Variants in JARID2 observed in about 807,000 individuals in gnomAD.
The protein encoded by JARID2 is jumonji and AT-rich interaction domain containing 2.
A neutral mutation model predicts 125.6 loss-of-function variants in JARID2; 21 were observed. That is an observed-to-expected ratio of 0.17 (90% CI 0.12 to 0.24). JARID2 has a LOEUF of 0.24. Among genes scored for constraint, JARID2 ranks in the 10% least tolerant of loss-of-function variants. The pLI is 1.00. For synonymous variants in JARID2, 736 were observed against 661.6 expected (o/e 1.11, Z -1.73); for missense variants, 1,303 against 1,639.6 (o/e 0.79, Z 3.55).
At chr6:15,474,917 G>A (rs1272185137) in intron 5 of JARID2, among the ~76,000 whole-genome samples, 1 of 152,072 alleles carries the variant, frequency 6.6e-6, no homozygotes, top group African/African-American at 2.4e-5. Context: ...GTGTACTGTT[G>A]CATCCTCCAA....
intron 3 of JARID2, among the ~76,000 whole-genome samples, chr6:15,425,819 G>T (rs1312322361): frequency 1.3e-5 from 2 of 152,196 alleles, no homozygotes; most frequent in African/African-American, 4.8e-5. Context: ...TGAAGTTTGT[G>T]GAACACAAGC....
rs183242659 is a variant in JARID2, at chr6:15,520,937, C to T, written c.*686C>T. ...AAAGAAGAAAAGCGAGCGAGGAAGA[C>T]GGAAAAGACTGCCTGCCTTGGAGGG... is the stretch of plus-strand genomic sequence containing the variant. On this transcript the variant is annotated 3_prime_UTR_variant, in exon 18 of 18. Coordinates refer to ENST00000341776, the MANE Select transcript of JARID2 (RefSeq NM_004973.4). The T allele has an allele frequency of 7.7e-4, 325 of 421,292 alleles. 1 individual carries two copies. Among genetic ancestry groups the T allele is most frequent in the African/African-American group, 5.8e-3 (283 of 49,178 alleles). The allele number at this position is 421,292 out of a possible 1,614,324, so 26.1% of individuals were successfully genotyped here.
At chr6:15,344,565 A>C (rs940290601) in intron 1 of JARID2, among the ~76,000 whole-genome samples, 7 of 151,980 alleles carry the variant, frequency 4.6e-5, no homozygotes, top group Admixed American at 2.0e-4. Flanking sequence ...TAGGTTGTGC[A>C]AGCATCACAA....
At chr6:15,372,158 G>C (rs1261127218) in intron 1 of JARID2, among the ~76,000 whole-genome samples, 1 of 152,168 alleles carries the variant, frequency 6.6e-6, no homozygotes, top group Admixed American at 6.5e-5. Context: ...TGGAGGAGAC[G>C]TCAGATCATC....
chr6:15,451,252 C>T (rs1767908460), intron 3 of JARID2, among the ~76,000 whole-genome samples: 1 of 152,188 alleles, frequency 6.6e-6, no homozygotes, highest in African/African-American at 2.4e-5. Context: ...TTGAAATGTA[C>T]TCTGTAGTTA....
At chr6:15,283,074 G>T (rs1369497026) in intron 1 of JARID2, among the ~76,000 whole-genome samples, 1 of 151,156 alleles carries the variant, frequency 6.6e-6, no homozygotes, top group African/African-American at 2.4e-5. Context: ...TGCCTCCCGG[G>T]TTCTTGCCAT....
At chr6:15,333,718 AC>A (rs1762791821) in intron 1 of JARID2, among the ~76,000 whole-genome samples, 1 of 152,212 alleles carries the variant, frequency 6.6e-6, no homozygotes, top group Non-Finnish European at 1.5e-5. Context: ...CATTGTATGA[AC>A]ACTGCATCTT....
rs1379189328 is a variant in JARID2, at chr6:15,520,784, A to G, written c.*533A>G. 2 of 455,270 alleles carry G rather than the reference A, an allele frequency of 4.4e-6. No individual in the cohort carries two copies. Among genetic ancestry groups the G allele is most frequent in the Non-Finnish European group, 8.8e-6 (2 of 226,664 alleles). 28.2% of individuals were successfully genotyped at this position (455,270 alleles called of 1,614,324 possible). On this transcript the variant is annotated 3_prime_UTR_variant, in exon 18 of 18. Transcript: ENST00000341776. ...AGCTTGTGATCTGGGAAGCCGGGGC[A>G]CCCCCGTTTTGTTTCTCTGGGCGGT...
At chr6:15,284,239 AT>A (rs1308142816) in intron 1 of JARID2, among the ~76,000 whole-genome samples, 1 of 152,170 alleles carries the variant, frequency 6.6e-6, no homozygotes, top group Non-Finnish European at 1.5e-5. Context: ...TTGATATGGA[AT>A]TTACTTCTCT....
rs10700305 is a variant in JARID2, at chr6:15,468,169, CTTTT to C, written c.494-359_494-356del. On this transcript the variant is annotated intron_variant, in intron 4 of 17. Transcript: ENST00000341776. ...CTGTTTTTACTTCTGTCTTCTCTGT[CTTTT>C]TTTTTTTTTTTTTAAGTCTATTAAT... Among the ~76,000 whole-genome samples, 11 of 134,850 alleles carry C rather than the reference CTTTT, an allele frequency of 8.2e-5. No homozygotes were observed. The East Asian group carries it at 1.3e-3, about 16-fold the overall frequency. 88.5% of individuals were successfully genotyped at this position (134,850 alleles called of 152,430 possible). A position where few individuals can be genotyped will look rare whatever the true frequency, so the allele number is the denominator to read the frequency against.
intron 3 of JARID2, among the ~76,000 whole-genome samples, chr6:15,451,547 A>G (rs1275261898): frequency 6.6e-6 from 1 of 152,206 alleles, no homozygotes; most frequent in Non-Finnish European, 1.5e-5. Context: ...CCTGGATGTA[A>G]TGACACAGAA....
chr6:15,268,524 C>G (rs562636089), intron 1 of JARID2, among the ~76,000 whole-genome samples: 2 of 152,006 alleles, frequency 1.3e-5, no homozygotes, highest in Non-Finnish European at 2.9e-5. Flanking sequence ...TACTTATATC[C>G]GAAAGCCTGG....
chr6:15,427,369 C>T (rs898635287), intron 3 of JARID2, among the ~76,000 whole-genome samples: 2 of 152,138 alleles, frequency 1.3e-5, no homozygotes, highest in Admixed American at 6.5e-5. Context: ...TAGCTTCTTC[C>T]GCATTTGTTT....
At chr6:15,379,128 A>C (rs1015613199) in intron 2 of JARID2, among the ~76,000 whole-genome samples, 1 of 151,890 alleles carries the variant, frequency 6.6e-6, no homozygotes, top group Non-Finnish European at 1.5e-5. Context: ...CATGTTTGCT[A>C]TCAGTCTTGT....
At chr6:15,335,400 C>T (rs1341020444) in intron 1 of JARID2, among the ~76,000 whole-genome samples, 1 of 152,146 alleles carries the variant, frequency 6.6e-6, no homozygotes, top group African/African-American at 2.4e-5. Context: ...GCTCCTGGCC[C>T]ACACCCCTCA....
Position 15,248,136 on chromosome 6 carries a change from T to A in JARID2, c.45+1552T>A, listed in dbSNP as rs972895234. 6.2e-6 allele frequency: 6 copies of A among 967,910 alleles called. No individual in the cohort carries two copies. In the African/African-American group the frequency reaches 1.1e-4, roughly 17 times the overall value. The allele number at this position is 967,910 out of a possible 1,614,324, so 60.0% of individuals were successfully genotyped here. A position where few individuals can be genotyped will look rare whatever the true frequency, so the allele number is the denominator to read the frequency against. ...GGGCGTCCGGCTGCAAGCCCGTGGC[T>A]GGCGGCGGCTGCGGGAGGCACGGCA... On this transcript the variant is annotated intron_variant, in intron 1 of 17. Coordinates refer to ENST00000341776, the MANE Select transcript of JARID2 (RefSeq NM_004973.4).
At chr6:15,504,623 C>G (rs771667097) in intron 9 of JARID2, 31 bp downstream of exon 9, 6 of 1,455,798 alleles carry the variant, frequency 4.1e-6, no homozygotes, top group South Asian at 2.3e-5. Flanking sequence ...CGCTGCCTCT[C>G]ATGGTGTGGG....
chr6:15,246,688 G>T, intron 1 of JARID2, 104 bp downstream of exon 1: 1 of 979,434 alleles, frequency 1.0e-6, no homozygotes. Context: ...TAAACACAGC[G>T]TCCGATAAGG....
rs559699388 is a variant in JARID2 at position 15,302,951 on chromosome 6, T to C, written c.45+56367T>C. On this transcript the variant is annotated intron_variant, in intron 1 of 17. Coordinates refer to ENST00000341776, the MANE Select transcript of JARID2 (RefSeq NM_004973.4). ...GGGTTTCAGGTTGGTTTCGAACTCC[T>C]GACCTCAGGTGATCCACCCACCTCG... Among the ~76,000 whole-genome samples the C allele has an allele frequency of 7.8e-4, 119 of 152,248 alleles. 1 individual carries two copies. The highest frequency in any genetic ancestry group is 2.5e-3 in the African/African-American group (103 of 41,564).
Sources: gnomAD v4.1 joint callset for allele counts (sites outside exome capture counted in the v4.1 genomes callset) on GRCh38, gnomAD v4.1.1 for gene constraint, MANE v1.5 for transcripts, NCBI Gene and HGNC (gene_info 2026-07-23, HGNC 2026-07-21) for gene names.